Variants in ADAM12 observed in about 807,000 individuals in gnomAD.
ADAM12 encodes ADAM metallopeptidase domain 12, also known as disintegrin and metalloproteinase domain-containing protein 12.
In ADAM12, 70 loss-of-function variants were observed where a neutral mutation model predicts 106.4. The observed-to-expected ratio is 0.66, with a 90% CI of 0.54 to 0.80. The LOEUF is 0.80. Ranked by LOEUF, ADAM12 falls within the 30% of genes least tolerant of loss-of-function variation. The pLI, the probability that ADAM12 is intolerant of heterozygous loss-of-function variation, is 0.00. For missense variants in ADAM12, 1,010 were observed against 1,171.9 expected (o/e 0.86, Z 2.02); for synonymous variants, 420 against 433.5 (o/e 0.97, Z 0.39).
intron 3 of ADAM12, among the ~76,000 whole-genome samples, chr10:126,278,490 AGCTTT>A (rs1434427878): frequency 6.6e-6 from 1 of 152,236 alleles, no homozygotes; most frequent in Non-Finnish European, 1.5e-5. Flanking sequence ...ACTGGAGATA[AGCTTT>A]GAAAGATAAA....
At chr10:126,083,120 C>T (rs751529643) in intron 11 of ADAM12, among the ~76,000 whole-genome samples, 2 of 152,220 alleles carry the variant, frequency 1.3e-5, no homozygotes, top group African/African-American at 2.4e-5. Flanking sequence ...GGGCTTTTTA[C>T]TCCATGCTGC....
intron 3 of ADAM12, among the ~76,000 whole-genome samples, chr10:126,264,862 C>T (rs1196197661): frequency 1.3e-5 from 2 of 152,156 alleles, no homozygotes; most frequent in African/African-American, 2.4e-5. Context: ...CTTCCCTGTT[C>T]TCACCCCAGC....
chr10:126,021,205 G>A (rs1044928486), intron 21 of ADAM12, among the ~76,000 whole-genome samples: 2 of 152,078 alleles, frequency 1.3e-5, no homozygotes, highest in African/African-American at 4.8e-5. Context: ...ATGTCTGTTG[G>A]AAATGGTGCT....
intron 3 of ADAM12, chr10:126,272,827 A>G: frequency 2.4e-6 from 1 of 416,848 alleles, no homozygotes. Flanking sequence ...AATGTCTTTC[A>G]TCTGTGAGTG....
chr10:126,102,716 G>A lies in ADAM12; in HGVS notation c.742-1475C>T, dbSNP rs549423318. Reference sequence around the variant, plus strand: ...CATTACATTAATGAGTTAACGAGACGATTACATGACTACAACACAGCCCAA... The same window carrying A: ...CATTACATTAATGAGTTAACGAGACAATTACATGACTACAACACAGCCCAA... On this transcript the variant is annotated intron_variant, in intron 8 of 22. Transcript: ENST00000448723. Among the ~76,000 whole-genome samples, 24 of 152,290 alleles carry A rather than the reference G, an allele frequency of 1.6e-4. No homozygotes were observed. The South Asian group carries it at 2.1e-3, about 13-fold the overall frequency.
At chr10:126,289,411 C>A (rs1396374858) in intron 2 of ADAM12, among the ~76,000 whole-genome samples, 1 of 152,212 alleles carries the variant, frequency 6.6e-6, no homozygotes, top group Admixed American at 6.5e-5. Flanking sequence ...CACTGGTAGC[C>A]CCAGTGCCAT....
At chr10:126,230,118 A>T (rs1192457057) in intron 3 of ADAM12, among the ~76,000 whole-genome samples, 2 of 152,144 alleles carry the variant, frequency 1.3e-5, no homozygotes, top group Admixed American at 6.5e-5. Context: ...CTGTCTTACC[A>T]AGCCCAGGGA....
At chr10:126,113,338 G>C (rs1015146800) in intron 6 of ADAM12, among the ~76,000 whole-genome samples, 1 of 152,018 alleles carries the variant, frequency 6.6e-6, no homozygotes, top group Non-Finnish European at 1.5e-5. Flanking sequence ...AATAATCTAA[G>C]AGCATGGGGG....
chr10:126,089,803 C>T (rs559340574), intron 11 of ADAM12, among the ~76,000 whole-genome samples: 11 of 152,184 alleles, frequency 7.2e-5, no homozygotes, highest in African/African-American at 2.4e-4. Context: ...TCCCTTCCTT[C>T]CATGCTTTGC....
chr10:126,172,063 C>T (rs1957129746), intron 3 of ADAM12, among the ~76,000 whole-genome samples: 5 of 152,098 alleles, frequency 3.3e-5, no homozygotes, highest in Admixed American at 3.3e-4. Flanking sequence ...CCTCAGTAAT[C>T]CCTCCTAAAA....
chr10:126,150,699 C>T (rs1956713970), intron 4 of ADAM12, among the ~76,000 whole-genome samples: 1 of 152,294 alleles, frequency 6.6e-6, no homozygotes, highest in African/African-American at 2.4e-5. Context: ...CATAAGAAAT[C>T]TTCCTGTCTT....
rs193137510 is a variant in ADAM12, at chr10:126,170,762, G to A, written c.261-15457C>T. ...AGTCTTCTGTTTTCTTTGTTTTAAA[G>A]AAACTACAACAAGAAGTACTTGTAA... On this transcript the variant is annotated intron_variant, in intron 3 of 22. Coordinates refer to ENST00000448723, the MANE Select transcript of ADAM12 (RefSeq NM_001288973.2). Among the ~76,000 whole-genome samples the A allele has an allele frequency of 2.4e-3, 363 of 152,270 alleles. 1 individual carries two copies. The highest frequency in any genetic ancestry group is 6.2e-3 in the South Asian group (30 of 4,824).
chr10:126,327,847 C>T (rs911297782), intron 2 of ADAM12, among the ~76,000 whole-genome samples: 1 of 152,146 alleles, frequency 6.6e-6, no homozygotes, highest in African/African-American at 2.4e-5. Flanking sequence ...TTCCTACAGG[C>T]TACTACTTCC....
chr10:126,132,546 C>T (rs1319958353), intron 5 of ADAM12, among the ~76,000 whole-genome samples: 1 of 143,474 alleles, frequency 7.0e-6, no homozygotes, highest in Non-Finnish European at 1.5e-5. Flanking sequence ...TCAACTAGTC[C>T]AGTCCCAGAA....
chr10:126,330,824 C>CT (rs1240848700), intron 1 of ADAM12, among the ~76,000 whole-genome samples: 1 of 152,152 alleles, frequency 6.6e-6, no homozygotes, highest in African/African-American at 2.4e-5. Context: ...GCAAAAGTGA[C>CT]TTTTTTGAAA....
At chr10:126,086,637 A>G (rs569225448) in intron 11 of ADAM12, among the ~76,000 whole-genome samples, 2 of 117,856 alleles carry the variant, frequency 1.7e-5, no homozygotes, top group Non-Finnish European at 3.3e-5. Flanking sequence ...AGATGGCCCC[A>G]ATGGACTCTG....
intron 3 of ADAM12, among the ~76,000 whole-genome samples, chr10:126,212,736 G>C (rs1474790758): frequency 6.6e-6 from 1 of 152,148 alleles, no homozygotes; most frequent in Non-Finnish European, 1.5e-5. Context: ...GAGCAGCTTT[G>C]ATTATGGAGA....
chr10:126,248,142 T>G (rs1958665604), intron 3 of ADAM12, among the ~76,000 whole-genome samples: 1 of 152,142 alleles, frequency 6.6e-6, no homozygotes, highest in South Asian at 2.1e-4. Context: ...ATCTGCAGAT[T>G]GAGTGTGGCA....
At chr10:126,019,900 C>G in intron 21 of ADAM12, 75 bp from the exon 22 acceptor site, 1 of 1,469,710 alleles carries the variant, frequency 6.8e-7, no homozygotes, top group Non-Finnish European at 9.1e-7. Context: ...GGGCCTGCCG[C>G]TTGGCACAGG....
Sources: allele counts gnomAD v4.1 joint callset (sites outside exome capture counted in the v4.1 genomes callset), GRCh38; gene constraint gnomAD v4.1.1; transcripts MANE v1.5; gene names NCBI Gene and HGNC (gene_info 2026-07-23, HGNC 2026-07-21).